The following PCDH15 variants were observed in gnomAD, a reference collection of about 807,000 sequenced individuals.
The protein encoded by PCDH15 is protocadherin-15.
Under a neutral mutation model 178.5 loss-of-function variants are expected in PCDH15, and 129 were observed. The observed-to-expected ratio is 0.72, with a 90% CI of 0.63 to 0.84. The LOEUF is 0.84. Ranked by LOEUF, PCDH15 falls within the 40% of genes least tolerant of loss-of-function variation. PCDH15 has a pLI of 0.00. For synonymous variants in PCDH15, 800 were observed against 732.0 expected (o/e 1.09, Z -1.50); for missense variants, 2,230 against 2,099.9 (o/e 1.06, Z -1.21).
At chr10:53,992,558 A>T (rs1024173001) in intron 21 of PCDH15, among the ~76,000 whole-genome samples, 1 of 152,206 alleles carries the variant, frequency 6.6e-6, no homozygotes, top group African/African-American at 2.4e-5. Flanking sequence ...TCACATACTC[A>T]CAAAAGACTA....
chr10:54,676,749 G>A (rs941047803), intron 1 of PCDH15, among the ~76,000 whole-genome samples: 2 of 152,120 alleles, frequency 1.3e-5, no homozygotes, highest in East Asian at 1.9e-4. Flanking sequence ...ACTATCTTAC[G>A]ATTCAGCAAG....
chr10:54,840,397 A>G (rs1037796857), intron 3 of PCDH15, among the ~76,000 whole-genome samples: 1 of 151,950 alleles, frequency 6.6e-6, no homozygotes, highest in Non-Finnish European at 1.5e-5. Flanking sequence ...TAACTATAAA[A>G]TATTTTATAT....
chr10:54,801,793 G>A (rs987118936), upstream of PCDH15, among the ~76,000 whole-genome samples: 1 of 152,094 alleles, frequency 6.6e-6, no homozygotes, highest in African/African-American at 2.4e-5. Context: ...CGTGTGACTG[G>A]TAGTATATAA....
chr10:55,535,927 T>G (rs2132068891), intron 2 of PCDH15, among the ~76,000 whole-genome samples: 1 of 152,188 alleles, frequency 6.6e-6, no homozygotes, highest in African/African-American at 2.4e-5. Flanking sequence ...TTGCTTAAGA[T>G]ATTAAAATAC....
intron 1 of PCDH15, among the ~76,000 whole-genome samples, chr10:55,242,095 A>T (rs1236479419): frequency 6.6e-6 from 1 of 152,238 alleles, no homozygotes; most frequent in Non-Finnish European, 1.5e-5. Flanking sequence ...CTGCACGTGC[A>T]CATGACTAGT....
At position 55,333,770 on chromosome 10, in the gene PCDH15, G is replaced by A. The variant is rs369905855; in HGVS notation, c.-155-167119C>T. 5.3e-5 allele frequency among the ~76,000 whole-genome samples: 8 copies of A among 151,682 alleles called. No individual in the cohort carries two copies. In the East Asian group the frequency reaches 5.8e-4, roughly 11 times the overall value. On this transcript the variant is annotated intron_variant, in intron 2 of 5. Transcript: ENST00000613346. ...TCTTATAATATTCCATGTCAGTGCC[G>A]GTTACATAATTTTTCTTAATAAAAA...
intron 13 of PCDH15, among the ~76,000 whole-genome samples, chr10:54,179,049 C>T (rs1203282737): frequency 2.6e-5 from 4 of 152,000 alleles, no homozygotes; most frequent in Non-Finnish European, 5.9e-5. Context: ...ACCATTTGAC[C>T]CAGCCATCCC....
chr10:54,080,724 T>A (rs2094425194), intron 16 of PCDH15, among the ~76,000 whole-genome samples: 1 of 152,186 alleles, frequency 6.6e-6, no homozygotes. Context: ...GGCATGCCCA[T>A]GAAAAACTGA....
chr10:54,822,387 A>G (rs1329839996), intron 3 of PCDH15, among the ~76,000 whole-genome samples: 1 of 152,014 alleles, frequency 6.6e-6, no homozygotes, highest in Non-Finnish European at 1.5e-5. Flanking sequence ...ACCATGTGCT[A>G]TTTGTCTTCA....
intron 1 of PCDH15, among the ~76,000 whole-genome samples, chr10:55,304,836 A>G (rs1232607395): frequency 1.3e-5 from 2 of 152,188 alleles, no homozygotes; most frequent in African/African-American, 2.4e-5. Context: ...GATTATCTGT[A>G]TATGGATGTT....
At chr10:55,166,829 T>C (rs951311694) in intron 1 of PCDH15, among the ~76,000 whole-genome samples, 1 of 152,190 alleles carries the variant, frequency 6.6e-6, no homozygotes, top group Admixed American at 6.6e-5. Context: ...GAATCTTAAA[T>C]ATAAGTTTGG....
At chr10:55,349,356 A>T (rs1844848833) in intron 2 of PCDH15, among the ~76,000 whole-genome samples, 1 of 152,144 alleles carries the variant, frequency 6.6e-6, no homozygotes, top group Non-Finnish European at 1.5e-5. Context: ...AGAAAAGAAT[A>T]GTTTTCATGT....
chr10:53,871,043 A>G (rs2079805743), intron 26 of PCDH15, among the ~76,000 whole-genome samples: 1 of 151,960 alleles, frequency 6.6e-6, no homozygotes, highest in South Asian at 2.1e-4. Flanking sequence ...TGAAAAATTA[A>G]TAACTCAAGG....
intron 28 of PCDH15, 118 bp downstream of exon 28, chr10:53,857,057 A>G (rs975510350): frequency 9.2e-6 from 7 of 758,986 alleles, no homozygotes; most frequent in South Asian, 8.4e-5. Flanking sequence ...CCAATATGCA[A>G]TATATCCATG....
chr10:54,617,264 T>C (rs2093194061), intron 2 of PCDH15, among the ~76,000 whole-genome samples: 1 of 151,992 alleles, frequency 6.6e-6, no homozygotes, highest in Non-Finnish European at 1.5e-5. Flanking sequence ...TCCAGTGGGA[T>C]GGTAGCCATT....
intron 2 of PCDH15, among the ~76,000 whole-genome samples, chr10:55,120,633 A>AACAGGGG (rs1837742928): frequency 2.0e-5 from 3 of 151,904 alleles, no homozygotes; most frequent in Non-Finnish European, 4.4e-5. Flanking sequence ...GTTTTTAGGG[A>AACAGGGG]AACAGGGAAA....
chr10:55,193,217 T>A (rs998581713), intron 1 of PCDH15, among the ~76,000 whole-genome samples: 14 of 151,862 alleles, frequency 9.2e-5, no homozygotes, highest in Non-Finnish European at 1.6e-4. Flanking sequence ...ATATTGGAGA[T>A]ATTCAATATT....
chr10:54,582,961 A>G (rs2091167041), intron 2 of PCDH15, among the ~76,000 whole-genome samples: 1 of 152,150 alleles, frequency 6.6e-6, no homozygotes, highest in Admixed American at 6.6e-5. Flanking sequence ...TAGCATATTA[A>G]TAAAAACAAT....
chr10:54,513,224 C>G (rs1381573189), intron 3 of PCDH15, among the ~76,000 whole-genome samples: 1 of 150,096 alleles, frequency 6.7e-6, no homozygotes, highest in African/African-American at 2.4e-5. Context: ...GCCAAATATT[C>G]CATTTCATTT....
Sources: gnomAD v4.1 joint callset for allele counts (sites outside exome capture counted in the v4.1 genomes callset) on GRCh38, gnomAD v4.1.1 for gene constraint, MANE v1.5 for transcripts, NCBI Gene and HGNC (gene_info 2026-07-23, HGNC 2026-07-21) for gene names.